The following CSMD1 variants were observed in gnomAD, a reference collection of about 807,000 sequenced individuals.
The protein encoded by CSMD1 is CUB and Sushi multiple domains 1.
CSMD1 carries 213 observed loss-of-function variants against 417.5 expected under a neutral mutation model. That is an observed-to-expected ratio of 0.51 (90% confidence interval 0.46 to 0.57). The LOEUF is 0.57. Ranked by LOEUF, CSMD1 falls within the 20% of genes least tolerant of loss-of-function variation. The pLI is 0.00. For missense variants in CSMD1, 6,923 were observed against 4,529.7 expected (o/e 1.53, Z -15.17); for synonymous variants, 2,862 against 1,736.8 (o/e 1.65, Z -16.11).
intron 1 of CSMD1, among the ~76,000 whole-genome samples, chr8:4,644,461 C>T (rs1327774279): frequency 4.6e-5 from 7 of 152,134 alleles, no homozygotes; most frequent in Non-Finnish European, 1.0e-4. Context: ...GGCTAGAGTG[C>T]AGCGGCGCTA....
At chr8:4,328,271 G>C (rs1411625567) in intron 3 of CSMD1, among the ~76,000 whole-genome samples, 2 of 139,434 alleles carry the variant, frequency 1.4e-5, no homozygotes, top group Non-Finnish European at 1.5e-5. Context: ...TTTTTGAGAG[G>C]AATTCTCTTC....
chr8:4,737,353 G>C (rs578229704), intron 1 of CSMD1, among the ~76,000 whole-genome samples: 1 of 151,970 alleles, frequency 6.6e-6, no homozygotes, highest in Non-Finnish European at 1.5e-5. Context: ...AGGGTTGGAG[G>C]AGAGAGAGAG....
chr8:4,295,590 C>T (rs1037206731), intron 3 of CSMD1, among the ~76,000 whole-genome samples: 1 of 141,702 alleles, frequency 7.1e-6, no homozygotes, highest in Non-Finnish European at 1.5e-5. Flanking sequence ...TTATTAAGGG[C>T]TTAAGATTAT....
At chr8:4,529,898 T>C (rs573832619) in intron 2 of CSMD1, among the ~76,000 whole-genome samples, 1 of 151,136 alleles carries the variant, frequency 6.6e-6, no homozygotes, top group East Asian at 1.9e-4. Flanking sequence ...ATTTATTTAA[T>C]TTTTTTATTT....
intron 3 of CSMD1, among the ~76,000 whole-genome samples, chr8:4,205,726 TCACTTCCTAGG>T (rs1799941195): frequency 7.9e-6 from 1 of 126,516 alleles, no homozygotes; most frequent in Non-Finnish European, 1.7e-5. Flanking sequence ...TTATTTCAGC[TCACTTCCTAGG>T]CCACTGTGAG....
intron 3 of CSMD1, among the ~76,000 whole-genome samples, chr8:4,264,365 C>G (rs1804095068): frequency 6.6e-6 from 1 of 152,140 alleles, no homozygotes; most frequent in African/African-American, 2.4e-5. Flanking sequence ...TCCTGTCTTT[C>G]CACTTTTTAG....
intron 18 of CSMD1, chr8:3,375,227 G>C (rs1370569383): frequency 1.3e-5 from 2 of 152,126 alleles, no homozygotes; most frequent in Non-Finnish European, 2.9e-5. Context: ...CTAAACTCCT[G>C]TATCCTCCTA....
intron 4 of CSMD1, among the ~76,000 whole-genome samples, chr8:4,013,501 C>G (rs1274267497): frequency 1.3e-5 from 2 of 152,132 alleles, no homozygotes; most frequent in Admixed American, 6.5e-5. Context: ...GAGTCCTGTC[C>G]AGGCAGTGAC....
At chr8:4,613,201 T>C (rs1191704342) in intron 2 of CSMD1, among the ~76,000 whole-genome samples, 1 of 152,084 alleles carries the variant, frequency 6.6e-6, no homozygotes, top group African/African-American at 2.4e-5. Flanking sequence ...GTCCAGTTGG[T>C]AAGAGAGAAA....
chr8:4,896,715 G>C (rs1353725039), intron 1 of CSMD1, among the ~76,000 whole-genome samples: 3 of 152,090 alleles, frequency 2.0e-5, no homozygotes, highest in East Asian at 3.9e-4. Context: ...CTTCAAGCTT[G>C]TGATGATGGT....
At chr8:4,206,500 A>G (rs1049169375) in intron 3 of CSMD1, among the ~76,000 whole-genome samples, 7 of 152,168 alleles carry the variant, frequency 4.6e-5, no homozygotes, top group African/African-American at 1.7e-4. Flanking sequence ...CCATGTCCCT[A>G]CAAAGGACAT....
chr8:3,134,546 G>A (rs755549599), intron 41 of CSMD1, among the ~76,000 whole-genome samples: 19 of 152,206 alleles, frequency 1.2e-4, no homozygotes, highest in Admixed American at 2.6e-4. Flanking sequence ...CACAGTGGCC[G>A]TTCTGCAGCT....
chr8:4,374,889 A>G lies in CSMD1; in HGVS notation c.415+45064T>C, dbSNP rs76462157. 9.2e-3 allele frequency among the ~76,000 whole-genome samples: 1,330 copies of G among 144,212 alleles called. 24 individuals carry two copies. The highest frequency in any genetic ancestry group is 0.031 in the African/African-American group (1,224 of 38,982). The allele number at this position is 144,212 out of a possible 152,430, so 94.6% of individuals were successfully genotyped here. On this transcript the variant is annotated intron_variant, in intron 3 of 69. Transcript: ENST00000635120. ...TTAAACACAGGACATGAAGCTGAAG[A>G]AGAGCCAATGATCTGTTCCAGGTTT...
chr8:4,993,202 G>GA (rs909974083), intron 1 of CSMD1, among the ~76,000 whole-genome samples: 11 of 151,812 alleles, frequency 7.2e-5, no homozygotes, highest in South Asian at 2.1e-4. Flanking sequence ...AGTGACCATT[G>GA]AAAAAAAATC....
intron 1 of CSMD1, among the ~76,000 whole-genome samples, chr8:4,719,795 T>G (rs1368894129): frequency 6.6e-6 from 1 of 152,182 alleles, no homozygotes; most frequent in African/African-American, 2.4e-5. Context: ...CTTTGAGAGC[T>G]TGAACTATTG....
chr8:3,569,733 A>T (rs141526728), intron 10 of CSMD1, among the ~76,000 whole-genome samples: 1 of 152,306 alleles, frequency 6.6e-6, no homozygotes, highest in African/African-American at 2.4e-5. Context: ...CAAGGAATCA[A>T]ATTAAGCCTA....
At chr8:3,071,468 T>C (rs1294053075) in intron 49 of CSMD1, among the ~76,000 whole-genome samples, 2 of 152,076 alleles carry the variant, frequency 1.3e-5, no homozygotes, top group African/African-American at 4.8e-5. Context: ...TGTATGCCTA[T>C]GTAACAAACC....
chr8:4,961,071 G>A (rs577819675), intron 1 of CSMD1, among the ~76,000 whole-genome samples: 2 of 152,214 alleles, frequency 1.3e-5, no homozygotes, highest in South Asian at 2.1e-4. Context: ...ACACTTTGGA[G>A]TAAAATTAAC....
chr8:4,664,918 G>A (rs118127875), intron 1 of CSMD1, among the ~76,000 whole-genome samples: 3,400 of 152,200 alleles, frequency 0.022, 68 homozygotes, highest in Non-Finnish European at 0.031. Flanking sequence ...TAAAAAACTT[G>A]CATTAGGAAT....
Sources: gnomAD v4.1 joint callset for allele counts (sites outside exome capture counted in the v4.1 genomes callset) on GRCh38, gnomAD v4.1.1 for gene constraint, MANE v1.5 for transcripts, NCBI Gene and HGNC (gene_info 2026-07-23, HGNC 2026-07-21) for gene names.